MCPH1: variants seen among roughly 807,000 people sequenced by gnomAD.
The protein encoded by MCPH1 is microcephalin 1.
In MCPH1, 104 loss-of-function variants were observed where a neutral mutation model predicts 84.5. The observed-to-expected ratio is 1.23, with a 90% confidence interval of 1.05 to 1.45. MCPH1 has a LOEUF of 1.45. Among genes scored for constraint, MCPH1 ranks in the 40% most tolerant of loss-of-function variants. The probability of loss-of-function intolerance (pLI) is 0.00; values close to 1 mark genes in which losing one functional copy is unlikely to be tolerated. For synonymous variants in MCPH1, 514 were observed against 366.8 expected (o/e 1.40, Z -4.58); for missense variants, 1,498 against 1,005.7 (o/e 1.49, Z -6.62).
chr8:6,619,760 A>G (rs1831215613), intron 12 of MCPH1, among the ~76,000 whole-genome samples: 1 of 151,862 alleles, frequency 6.6e-6, no homozygotes, highest in African/African-American at 2.4e-5. Flanking sequence ...AATCTTTTGT[A>G]TTTTTAGTAG....
chr8:6,603,960 G>T (rs1200922607), intron 12 of MCPH1, among the ~76,000 whole-genome samples: 1 of 151,402 alleles, frequency 6.6e-6, no homozygotes, highest in South Asian at 2.1e-4. Context: ...ATTTTTACAA[G>T]ATTAAAAATC....
At chr8:6,480,236 T>A (rs1332313947) in intron 10 of MCPH1, among the ~76,000 whole-genome samples, 1 of 152,054 alleles carries the variant, frequency 6.6e-6, no homozygotes, top group East Asian at 1.9e-4. Context: ...CTATTCTGTC[T>A]GCCTCAGCCT....
chr8:6,603,599 C>T (rs537290415), intron 12 of MCPH1, among the ~76,000 whole-genome samples: 2 of 152,248 alleles, frequency 1.3e-5, no homozygotes, highest in East Asian at 3.9e-4. Context: ...AAGGTACTAG[C>T]AAGGAAGTAT....
At chr8:6,470,031 A>T (rs1284157220) in intron 9 of MCPH1, among the ~76,000 whole-genome samples, 1 of 152,066 alleles carries the variant, frequency 6.6e-6, no homozygotes, top group Non-Finnish European at 1.5e-5. Flanking sequence ...AGAATCCTGC[A>T]TGTTTTTTTC....
rs4840457 is a variant in MCPH1, at chr8:6,551,161, T to G, written c.2214+51232T>G. Among the ~76,000 whole-genome samples the G allele has an allele frequency of 7.9e-5, 12 of 152,250 alleles. No homozygotes were observed. In the South Asian group the frequency reaches 2.5e-3, roughly 32 times the overall value. On this transcript the variant is annotated intron_variant, in intron 12 of 13. Coordinates refer to ENST00000344683, the MANE Select transcript of MCPH1 (RefSeq NM_024596.5). ...CTGTGCTGATGCTGACTTAGGATTT[T>G]AAATCACTTAAATTTGAGCTGGATA...
intron 12 of MCPH1, among the ~76,000 whole-genome samples, chr8:6,504,100 C>T (rs1205455672): frequency 1.3e-5 from 2 of 152,116 alleles, no homozygotes; most frequent in Admixed American, 6.5e-5. Context: ...GGGTGGATCA[C>T]GAGATCAGGA....
chr8:6,644,429 C>G lies in MCPH1; in HGVS notation c.*1380C>G, dbSNP rs551101256. 2 of 152,292 alleles carry G rather than the reference C, an allele frequency of 1.3e-5. No individual in the cohort carries two copies. Among genetic ancestry groups the G allele is most frequent in the South Asian group, 2.1e-4 (1 of 4,818 alleles). 9.4% of individuals were successfully genotyped at this position (152,292 alleles called of 1,614,324 possible). A position where few individuals can be genotyped will look rare whatever the true frequency, so the allele number is the denominator to read the frequency against. On this transcript the variant is annotated 3_prime_UTR_variant, in exon 14 of 14. Coordinates refer to ENST00000344683, the MANE Select transcript of MCPH1 (RefSeq NM_024596.5). ...GTCTCTCTTCACTGCCGATATGATT[C>G]TATACCTAGAAAACCCTAAAGACTC...
chr8:6,410,197 A>G (rs1349733925), intron 2 of MCPH1, among the ~76,000 whole-genome samples: 2 of 151,688 alleles, frequency 1.3e-5, no homozygotes, highest in Non-Finnish European at 2.9e-5. Context: ...GATGGTCTCA[A>G]TCTCCTGATC....
Position 6,578,655 on chromosome 8 carries a change from C to G in MCPH1, c.2215-42799C>G, listed in dbSNP as rs560261930. On this transcript the variant is annotated intron_variant, in intron 12 of 13. Coordinates refer to ENST00000344683, the MANE Select transcript of MCPH1 (RefSeq NM_024596.5). ...AATAAGTAGTCAGCAATACAAAACCCTGCGTGGAAGATGTGTATTTTGGAT... is the reference window on the plus strand; with the variant it reads ...AATAAGTAGTCAGCAATACAAAACCGTGCGTGGAAGATGTGTATTTTGGAT... Among the ~76,000 whole-genome samples, 3 of 152,254 alleles carry G rather than the reference C, an allele frequency of 2.0e-5. No individual in the cohort carries two copies. In the East Asian group the frequency reaches 5.8e-4, roughly 29 times the overall value.
intron 3 of MCPH1, 25 bp downstream of exon 3, chr8:6,414,908 T>C: frequency 6.2e-7 from 1 of 1,610,828 alleles, no homozygotes; most frequent in Non-Finnish European, 8.5e-7. Flanking sequence ...TCTTACTTTT[T>C]TTCCTTAAGT....
At chr8:6,610,590 C>A (rs2980668) in intron 12 of MCPH1, among the ~76,000 whole-genome samples, 69 of 152,246 alleles carry the variant, frequency 4.5e-4, no homozygotes, top group African/African-American at 1.6e-3. Flanking sequence ...TATCTTCTTT[C>A]TTTTTAGCTC....
At chr8:6,562,628 A>AGAT in intron 12 of MCPH1, 1 of 1,387,108 alleles carries the variant, frequency 7.2e-7, no homozygotes. Context: ...TCACAAAGAC[A>AGAT]GATGGATTTT....
chr8:6,516,275 C>T (rs919353683), intron 12 of MCPH1, among the ~76,000 whole-genome samples: 2 of 152,188 alleles, frequency 1.3e-5, no homozygotes, highest in Non-Finnish European at 2.9e-5. Context: ...AAGTACTCTG[C>T]CAGATACTTT....
intron 8 of MCPH1, 111 bp downstream of exon 8, chr8:6,445,658 C>T (rs1804244807): frequency 1.4e-6 from 2 of 1,463,406 alleles, no homozygotes; most frequent in Non-Finnish European, 1.8e-6. Flanking sequence ...ATTTACTCCT[C>T]TTTTTACTTA....
chr8:6,428,264 A>G (rs972990569), intron 3 of MCPH1, among the ~76,000 whole-genome samples: 3 of 14,374 alleles, frequency 2.1e-4, no homozygotes, highest in Admixed American at 1.5e-3. Flanking sequence ...TTTAAACTTA[A>G]AAAAAACTAG....
chr8:6,621,053 C>T lies in MCPH1; in HGVS notation c.2215-401C>T, dbSNP rs181264423. 7 of 315,098 alleles carry T rather than the reference C, an allele frequency of 2.2e-5. No homozygotes were observed. The East Asian group carries it at 6.2e-4, about 28-fold the overall frequency. The allele number at this position is 315,098 out of a possible 1,614,324, so 19.5% of individuals were successfully genotyped here. ...CGCGCTGGATTGAATGACGCTCTCC[C>T]AGCACAGCCGGCATTTGCAGTGCAT... On this transcript the variant is annotated intron_variant, in intron 12 of 13. Coordinates refer to ENST00000344683, the MANE Select transcript of MCPH1 (RefSeq NM_024596.5).
At chr8:6,629,895 AG>A (rs1797027011) in intron 13 of MCPH1, among the ~76,000 whole-genome samples, 1 of 152,216 alleles carries the variant, frequency 6.6e-6, no homozygotes, top group Non-Finnish European at 1.5e-5. Context: ...GCAGGATCTT[AG>A]GCTGGGCCCA....
At chr8:6,460,905 TC>T (rs1304860532) in intron 9 of MCPH1, among the ~76,000 whole-genome samples, 1 of 152,206 alleles carries the variant, frequency 6.6e-6, no homozygotes, top group Non-Finnish European at 1.5e-5. Context: ...GTCCAGCTTT[TC>T]TGAGGGCTCA....
chr8:6,625,325 T>C (rs1053697468), intron 13 of MCPH1: 3 of 985,368 alleles, frequency 3.0e-6, no homozygotes, highest in Non-Finnish European at 3.6e-6. Flanking sequence ...GTGTGGCAGA[T>C]TGACGGTATC....
Sources: allele counts gnomAD v4.1 joint callset (sites outside exome capture counted in the v4.1 genomes callset), GRCh38; gene constraint gnomAD v4.1.1; transcripts MANE v1.5; gene names NCBI Gene and HGNC (gene_info 2026-07-23, HGNC 2026-07-21).